DAB1: variants seen among roughly 807,000 people sequenced by gnomAD.
DAB1 encodes the protein DAB adaptor protein 1, also known as disabled homolog 1.
A neutral mutation model predicts 64.6 loss-of-function variants in DAB1; 15 were observed. That is an observed-to-expected ratio of 0.23 (90% CI 0.16 to 0.36). The LOEUF (loss-of-function observed/expected upper bound fraction) is 0.36. DAB1 is among the 10% of genes least tolerant of loss of function. DAB1 has a pLI of 1.00. For missense variants in DAB1, 596 were observed against 706.7 expected, an observed-to-expected ratio of 0.84 and a Z score of 1.78; for synonymous variants, 235 against 251.9, an observed-to-expected ratio of 0.93 and a Z score of 0.64.
At chr1:57,748,717 G>T (rs1404028966) in intron 6 of DAB1, among the ~76,000 whole-genome samples, 1 of 152,144 alleles carries the variant, frequency 6.6e-6, no homozygotes, top group Non-Finnish European at 1.5e-5. Context: ...GGTTTCAGCT[G>T]CATTTAAAGG....
Position 58,399,336 on chromosome 1 carries a change from A to G in DAB1, n.258-55933T>C, listed in dbSNP as rs555201566. On this transcript the variant is annotated intron_variant and non_coding_transcript_variant, in intron 3 of 20. Coordinates refer to the DAB1 transcript ENST00000485760. ...GCACTTTCCTAACTCAGGTCCACTG[A>G]GATGTGATGACTTGCTCAAGGTTAC... is the stretch of plus-strand genomic sequence containing the variant. Among the ~76,000 whole-genome samples the G allele has an allele frequency of 2.8e-4, 42 of 152,320 alleles. 1 individual carries two copies. The South Asian group carries it at 8.7e-3, about 32-fold the overall frequency.
rs565056831 is a variant in DAB1, at chr1:57,956,626, G to A, written n.388-72464C>T. 1.8e-4 allele frequency among the ~76,000 whole-genome samples: 27 copies of A among 152,274 alleles called. 1 individual carries two copies. In the South Asian group the frequency reaches 5.2e-3, roughly 29 times the overall value. ...ACAGGCAGAAAGCAGACATGATAAC[G>A]AGATTGCCACCTATTTACCTTCTTG... is the stretch of plus-strand genomic sequence containing the variant. On this transcript the variant is annotated intron_variant and non_coding_transcript_variant, in intron 5 of 20. Coordinates refer to the DAB1 transcript ENST00000485760.
intron 2 of DAB1, among the ~76,000 whole-genome samples, chr1:57,158,352 A>T (rs1660435857): frequency 6.6e-6 from 1 of 152,180 alleles, no homozygotes; most frequent in Non-Finnish European, 1.5e-5. Flanking sequence ...TGCAATTAAG[A>T]ACAGGATGTT....
chr1:57,482,470 A>C (rs1432115318), intron 7 of DAB1, among the ~76,000 whole-genome samples: 1 of 141,432 alleles, frequency 7.1e-6, no homozygotes, highest in Non-Finnish European at 1.5e-5. Flanking sequence ...TTTACAGCTG[A>C]AAGTTGTAAA....
intron 7 of DAB1, among the ~76,000 whole-genome samples, chr1:57,606,581 A>G (rs1221721521): frequency 9.8e-6 from 1 of 102,236 alleles, no homozygotes; most frequent in Admixed American, 1.4e-4. Flanking sequence ...TGAAATATAT[A>G]ATATAATATA....
At chr1:58,048,599 C>G in intron 5 of DAB1, 1 of 1,032,178 alleles carries the variant, frequency 9.7e-7, no homozygotes, top group Non-Finnish European at 1.5e-6. Context: ...ACTGACATCA[C>G]AGCTGCCACC....
chr1:57,276,149 C>T (rs1024142406), intron 2 of DAB1, among the ~76,000 whole-genome samples: 40 of 152,308 alleles, frequency 2.6e-4, no homozygotes, highest in African/African-American at 8.4e-4. Flanking sequence ...TGTGTTTGCA[C>T]GCTTGTGTGC....
chr1:58,539,310 C>T, intron 1 of DAB1: 2 of 805,018 alleles, frequency 2.5e-6, no homozygotes, highest in Middle Eastern at 2.3e-4. Flanking sequence ...CACTTGACTA[C>T]CTGAAACAAA....
chr1:57,818,771 T>TAA (rs943341051), intron 6 of DAB1, among the ~76,000 whole-genome samples: 11 of 149,466 alleles, frequency 7.4e-5, no homozygotes, highest in Non-Finnish European at 1.5e-4. Flanking sequence ...TATATATATA[T>TAA]AATATTTATT....
At chr1:58,373,236 T>C (rs1026172518) in intron 3 of DAB1, among the ~76,000 whole-genome samples, 5 of 150,210 alleles carry the variant, frequency 3.3e-5, no homozygotes, top group African/African-American at 1.2e-4. Flanking sequence ...GTCAGTTACA[T>C]ATGTATACAT....
intron 5 of DAB1, chr1:58,048,595 A>G (rs1647404442): frequency 5.8e-6 from 6 of 1,030,142 alleles, no homozygotes; most frequent in Non-Finnish European, 9.1e-6. Context: ...ATCCACTGAC[A>G]TCACAGCTGC....
At chr1:58,031,823 G>A (rs936593944) in intron 5 of DAB1, among the ~76,000 whole-genome samples, 1 of 152,124 alleles carries the variant, frequency 6.6e-6, no homozygotes, top group Non-Finnish European at 1.5e-5. Flanking sequence ...AGCTGAGGAA[G>A]GTTTAGACTC....
At chr1:58,490,338 A>T (rs1039851387) in intron 3 of DAB1, among the ~76,000 whole-genome samples, 43 of 152,214 alleles carry the variant, frequency 2.8e-4, no homozygotes, top group Non-Finnish European at 8.8e-5. Context: ...AAGAAAAGGT[A>T]TCAGTGATGG....
chr1:57,190,376 G>T (rs996611671), intron 2 of DAB1, among the ~76,000 whole-genome samples: 1 of 152,118 alleles, frequency 6.6e-6, no homozygotes, highest in Non-Finnish European at 1.5e-5. Flanking sequence ...CCTAATAAAC[G>T]TGAAAGCAGG....
At chr1:57,680,195 A>G (rs1646620211) in intron 6 of DAB1, among the ~76,000 whole-genome samples, 1 of 152,252 alleles carries the variant, frequency 6.6e-6, no homozygotes, top group Non-Finnish European at 1.5e-5. Flanking sequence ...GATCGAAGAT[A>G]GAAAAGAAAA....
chr1:57,831,762 C>T (rs969499308), intron 1 of DAB1, among the ~76,000 whole-genome samples: 2 of 151,994 alleles, frequency 1.3e-5, no homozygotes, highest in Non-Finnish European at 2.9e-5. Context: ...AGGCTGGTCT[C>T]AAATTCCTGG....
chr1:57,487,398 G>C (rs1335269245), intron 7 of DAB1, among the ~76,000 whole-genome samples: 6 of 152,126 alleles, frequency 3.9e-5, no homozygotes, highest in South Asian at 2.1e-4. Context: ...AACTCTGGTG[G>C]GGGCCAGGGC....
At chr1:57,523,993 A>C (rs535315578) in intron 7 of DAB1, among the ~76,000 whole-genome samples, 3 of 152,202 alleles carry the variant, frequency 2.0e-5, no homozygotes, top group Non-Finnish European at 1.5e-5. Flanking sequence ...GAAAAGCATG[A>C]TCACTTAAAT....
At chr1:58,431,419 G>A (rs868004223) in intron 3 of DAB1, among the ~76,000 whole-genome samples, 8 of 151,804 alleles carry the variant, frequency 5.3e-5, no homozygotes, top group South Asian at 2.1e-4. Context: ...TTAGCCGGGC[G>A]TGGTGGTGGG....
Sources: allele counts gnomAD v4.1 joint callset (sites outside exome capture counted in the v4.1 genomes callset), GRCh38; gene constraint gnomAD v4.1.1; transcripts MANE v1.5; gene names NCBI Gene and HGNC (gene_info 2026-07-23, HGNC 2026-07-21).